SPATS2: variants seen among roughly 807,000 people sequenced by gnomAD.
SPATS2 encodes spermatogenesis associated serine rich 2.
In SPATS2, 38 loss-of-function variants were observed where a neutral mutation model predicts 63.7. The observed-to-expected ratio is 0.60, with a 90% CI of 0.46 to 0.78. SPATS2 has a LOEUF of 0.78. Among genes scored for constraint, SPATS2 ranks in the 30% least tolerant of loss-of-function variants. The pLI, the probability that SPATS2 is intolerant of heterozygous loss-of-function variation, is 0.00. For missense variants in SPATS2, 588 were observed against 666.2 expected (o/e 0.88, Z 1.29); for synonymous variants, 207 against 232.9 (o/e 0.89, Z 1.01).
intron 8 of SPATS2, among the ~76,000 whole-genome samples, 170 bp from the exon 9 acceptor site, chr12:49,499,899 CT>C (rs966619230): frequency 4.0e-5 from 6 of 151,644 alleles, no homozygotes; most frequent in African/African-American, 1.5e-4. Flanking sequence ...GACCAGGATC[CT>C]TTTTTTTCCA....
intron 9 of SPATS2, among the ~76,000 whole-genome samples, chr12:49,504,753 C>T (rs1001243470): frequency 1.9e-4 from 20 of 106,220 alleles, no homozygotes; most frequent in South Asian, 5.8e-4. Context: ...TTTCCTGTTT[C>T]TTTTCTTTCT....
intron 3 of SPATS2, among the ~76,000 whole-genome samples, chr12:49,465,863 G>GA (rs1945905206): frequency 6.6e-6 from 1 of 152,054 alleles, no homozygotes. Flanking sequence ...AGAATCACTT[G>GA]AACCCGGGAG....
At chr12:49,428,031 G>A (rs1214217433) in intron 2 of SPATS2, among the ~76,000 whole-genome samples, 7 of 151,896 alleles carry the variant, frequency 4.6e-5, no homozygotes, top group East Asian at 3.9e-4. Flanking sequence ...CGAGGTGGGC[G>A]GATCACGAGG....
At chr12:49,390,175 G>C in intron 2 of SPATS2, 6 of 1,479,424 alleles carry the variant, frequency 4.1e-6, no homozygotes, top group Non-Finnish European at 5.5e-6. Context: ...AAGAGCTTCT[G>C]AGTCTGTGAG....
At chr12:49,496,646 CGAAGCTGCCGATAGCCATACCCAGCT>C (rs1472122877) in intron 7 of SPATS2, among the ~76,000 whole-genome samples, 161 bp from the exon 8 acceptor site, 3 of 152,132 alleles carry the variant, frequency 2.0e-5, no homozygotes, top group Non-Finnish European at 4.4e-5. Context: ...AGACTAAGCC[CGAAGCTGCCGATAGCCATACCCAGCT>C]GATTCTGATC....
rs188127980 is a variant in SPATS2 at position 49,380,714 on chromosome 12, A to T, written c.-244+9424A>T. Among the ~76,000 whole-genome samples, 1,027 of 151,230 alleles carry T rather than the reference A, an allele frequency of 6.8e-3. 5 individuals carry two copies. Among genetic ancestry groups the T allele is most frequent in the African/African-American group, 0.014 (586 of 41,222 alleles). ...GAGCAAGACTCTGCCTCAAAAAAAA[A>T]ATATATATATATATTTATCTATTTA... On this transcript the variant is annotated intron_variant, in intron 2 of 13. Coordinates refer to ENST00000552918, the MANE Select transcript of SPATS2 (RefSeq NM_023071.4).
At chr12:49,388,167 A>AT (rs1227450707) in intron 2 of SPATS2, among the ~76,000 whole-genome samples, 1 of 152,070 alleles carries the variant, frequency 6.6e-6, no homozygotes, top group Admixed American at 6.5e-5. Flanking sequence ...TGTGTAGCAC[A>AT]TTTTTTTAAA....
At chr12:49,477,354 T>C (rs763285476) in intron 3 of SPATS2, among the ~76,000 whole-genome samples, 1 of 152,178 alleles carries the variant, frequency 6.6e-6, no homozygotes, top group Non-Finnish European at 1.5e-5. Flanking sequence ...CAGAATATAG[T>C]TGAAATGGCA....
chr12:49,404,346 G>A (rs1449631484), intron 2 of SPATS2, among the ~76,000 whole-genome samples: 1 of 144,592 alleles, frequency 6.9e-6, no homozygotes, highest in East Asian at 2.0e-4. Flanking sequence ...GGGTGTGGTT[G>A]TGTGATCTTA....
chr12:49,477,987 A>AAT (rs1946147449), intron 3 of SPATS2, among the ~76,000 whole-genome samples: 2 of 73,380 alleles, frequency 2.7e-5, no homozygotes, highest in African/African-American at 5.2e-5. Context: ...TTTTTTTTTA[A>AAT]TTTTTGAGAC....
intron 10 of SPATS2, among the ~76,000 whole-genome samples, chr12:49,516,159 AAAAAAAAATAT>A (rs1946839728): frequency 2.2e-4 from 7 of 31,446 alleles, no homozygotes; most frequent in African/African-American, 7.9e-4. Context: ...AAAAAAAAAA[AAAAAAAAATAT>A]ATATATATAT....
chr12:49,389,976 A>G, intron 2 of SPATS2: 2 of 828,574 alleles, frequency 2.4e-6, no homozygotes, highest in South Asian at 2.6e-5. Context: ...AAGCCATTGA[A>G]ATTGACAAGC....
At chr12:49,409,364 G>A (rs1314292551) in intron 2 of SPATS2, among the ~76,000 whole-genome samples, 1 of 152,070 alleles carries the variant, frequency 6.6e-6, no homozygotes, top group Non-Finnish European at 1.5e-5. Flanking sequence ...GGAGTGCAGT[G>A]TCACGATCTC....
At chr12:49,497,042 A>G in intron 8 of SPATS2, 33 bp downstream of exon 8, 1 of 1,505,864 alleles carries the variant, frequency 6.6e-7, no homozygotes, top group Non-Finnish European at 8.9e-7. Flanking sequence ...AGAGAAAATG[A>G]AAAATCTGTG....
At chr12:49,497,110 A>C in intron 8 of SPATS2, 101 bp downstream of exon 8, 1 of 1,187,744 alleles carries the variant, frequency 8.4e-7, no homozygotes. Context: ...TCAGAAGGGC[A>C]TCAGTTAATA....
At chr12:49,459,783 G>C (rs1030119376) in intron 2 of SPATS2, among the ~76,000 whole-genome samples, 2 of 126,420 alleles carry the variant, frequency 1.6e-5, no homozygotes, top group South Asian at 5.1e-4. Context: ...TTTGAGCTGG[G>C]AAACCTGAGG....
At chr12:49,493,264 C>T (rs1946413685) in intron 6 of SPATS2, among the ~76,000 whole-genome samples, 1 of 152,048 alleles carries the variant, frequency 6.6e-6, no homozygotes, top group Non-Finnish European at 1.5e-5. Context: ...TAGGTGTTGC[C>T]AGTGGAGCTA....
At chr12:49,416,998 T>C (rs770341555) in intron 2 of SPATS2, among the ~76,000 whole-genome samples, 13 of 152,282 alleles carry the variant, frequency 8.5e-5, no homozygotes, top group Non-Finnish European at 1.8e-4. Flanking sequence ...CCTTTTTCAC[T>C]AGGCAGGGAG....
intron 11 of SPATS2, among the ~76,000 whole-genome samples, 197 bp from the exon 12 acceptor site, chr12:49,522,554 T>TA (rs1483176753): frequency 6.6e-6 from 1 of 152,252 alleles, no homozygotes; most frequent in Non-Finnish European, 1.5e-5. Context: ...TTCATAAACT[T>TA]ACAAACTTAT....
Sources: gnomAD v4.1 joint callset for allele counts (sites outside exome capture counted in the v4.1 genomes callset) on GRCh38, gnomAD v4.1.1 for gene constraint, MANE v1.5 for transcripts, NCBI Gene and HGNC (gene_info 2026-07-23, HGNC 2026-07-21) for gene names.